Variants in GRXCR1 observed in about 807,000 individuals in gnomAD.
GRXCR1 encodes glutaredoxin domain-containing cysteine-rich protein 1.
A neutral mutation model predicts 27.3 loss-of-function variants in GRXCR1; 27 were observed. That is an observed-to-expected ratio of 0.99 (90% confidence interval 0.73 to 1.37). The LOEUF (loss-of-function observed/expected upper bound fraction) is 1.37. Ranked by LOEUF, GRXCR1 falls within the 40% of genes most tolerant of loss-of-function variation. The probability of loss-of-function intolerance (pLI) is 0.00; values close to 1 mark genes in which losing one functional copy is unlikely to be tolerated. For synonymous variants in GRXCR1, 122 were observed against 131.1 expected (o/e 0.93, Z 0.47); for missense variants, 379 against 354.4 (o/e 1.07, Z -0.56).
At chr4:43,016,121 C>G (rs890453638) in intron 2 of GRXCR1, among the ~76,000 whole-genome samples, 1 of 152,180 alleles carries the variant, frequency 6.6e-6, no homozygotes, top group Non-Finnish European at 1.5e-5. Context: ...ATTTATATCA[C>G]TTTATTGTTT....
At chr4:42,928,940 A>G (rs28580213) in intron 1 of GRXCR1, among the ~76,000 whole-genome samples, 9,452 of 152,054 alleles carry the variant, frequency 0.062, 588 homozygotes, top group African/African-American at 0.16. Flanking sequence ...TAGCCATGGA[A>G]GGGCACTTTC....
intron 2 of GRXCR1, among the ~76,000 whole-genome samples, chr4:42,977,939 C>T (rs1358752625): frequency 6.6e-6 from 1 of 151,886 alleles, no homozygotes; most frequent in East Asian, 1.9e-4. Flanking sequence ...GTTTTGTGTC[C>T]TATGTTTAGG....
chr4:42,915,498 T>C (rs1421436668), intron 1 of GRXCR1, among the ~76,000 whole-genome samples: 1 of 152,162 alleles, frequency 6.6e-6, no homozygotes, highest in African/African-American at 2.4e-5. Context: ...TTTTAGTATC[T>C]CCACCCAGTC....
chr4:43,015,012 A>G (rs942325627), intron 2 of GRXCR1, among the ~76,000 whole-genome samples: 8 of 152,200 alleles, frequency 5.3e-5, no homozygotes, highest in African/African-American at 1.7e-4. Flanking sequence ...AGCAGGTGAC[A>G]TTTAAATTGG....
intron 1 of GRXCR1, among the ~76,000 whole-genome samples, chr4:42,945,317 A>C (rs766639772): frequency 6.6e-6 from 1 of 152,150 alleles, no homozygotes; most frequent in African/African-American, 2.4e-5. Context: ...ATGTAAAAAA[A>C]CCTCATAAAA....
At chr4:43,018,588 TAAG>T (rs1713004399) in intron 2 of GRXCR1, among the ~76,000 whole-genome samples, 2 of 152,172 alleles carry the variant, frequency 1.3e-5, no homozygotes, top group Non-Finnish European at 2.9e-5. Context: ...AATGCTATCA[TAAG>T]AAAAGAGCCA....
At chr4:42,992,131 A>G (rs888593301) in intron 2 of GRXCR1, among the ~76,000 whole-genome samples, 1 of 152,112 alleles carries the variant, frequency 6.6e-6, no homozygotes, top group Non-Finnish European at 1.5e-5. Context: ...TGGGAAATCT[A>G]GTGGTGATGG....
At chr4:42,972,409 C>A (rs538870279) in intron 2 of GRXCR1, among the ~76,000 whole-genome samples, 1 of 152,044 alleles carries the variant, frequency 6.6e-6, no homozygotes, top group African/African-American at 2.4e-5. Context: ...TTTAAAGCCA[C>A]GAAGTGTTTG....
At chr4:42,997,634 A>G (rs1402429215) in intron 2 of GRXCR1, among the ~76,000 whole-genome samples, 1 of 151,932 alleles carries the variant, frequency 6.6e-6, no homozygotes, top group Non-Finnish European at 1.5e-5. Flanking sequence ...CCCCTATGGG[A>G]CTCTCACACT....
At chr4:42,907,441 C>T (rs1472638962) in intron 1 of GRXCR1, among the ~76,000 whole-genome samples, 1 of 152,130 alleles carries the variant, frequency 6.6e-6, no homozygotes, top group African/African-American at 2.4e-5. Context: ...TTCCACTATC[C>T]ATTTTAGACA....
intron 2 of GRXCR1, among the ~76,000 whole-genome samples, chr4:43,019,166 A>C (rs569385377): frequency 8.9e-4 from 136 of 151,988 alleles, no homozygotes; most frequent in Non-Finnish European, 1.5e-3. Flanking sequence ...AGCCTTCTCT[A>C]CTCTCATAAA....
intron 1 of GRXCR1, among the ~76,000 whole-genome samples, chr4:42,932,873 T>C (rs557686503): frequency 5.3e-5 from 8 of 151,688 alleles, no homozygotes; most frequent in African/African-American, 1.9e-4. Flanking sequence ...ACTCCTCCAT[T>C]GACCCTCATC....
chr4:43,024,246 C>T (rs1336132587), intron 3 of GRXCR1, among the ~76,000 whole-genome samples: 6 of 99,680 alleles, frequency 6.0e-5, no homozygotes, highest in East Asian at 3.6e-4. Context: ...TAATCTGATT[C>T]TCCCCTGAGG....
chr4:42,918,602 T>G (rs982400243), intron 1 of GRXCR1, among the ~76,000 whole-genome samples: 1 of 152,168 alleles, frequency 6.6e-6, no homozygotes, highest in Non-Finnish European at 1.5e-5. Context: ...CCAAGAATAT[T>G]TATTCTGATA....
At chr4:42,908,665 A>C (rs1746651005) in intron 1 of GRXCR1, among the ~76,000 whole-genome samples, 1 of 152,248 alleles carries the variant, frequency 6.6e-6, no homozygotes, top group African/African-American at 2.4e-5. Context: ...GATGCGCATC[A>C]AAACATCTAC....
At chr4:42,974,055 C>G (rs1748449446) in intron 2 of GRXCR1, among the ~76,000 whole-genome samples, 1 of 152,110 alleles carries the variant, frequency 6.6e-6, no homozygotes, top group African/African-American at 2.4e-5. Flanking sequence ...TGCACAGAAA[C>G]AGACCAATTG....
At chr4:42,899,128 G>A (rs1419739926) in intron 1 of GRXCR1, among the ~76,000 whole-genome samples, 2 of 152,072 alleles carry the variant, frequency 1.3e-5, no homozygotes, top group Non-Finnish European at 2.9e-5. Context: ...TCTTCCTTGA[G>A]TTAATGAATT....
chr4:43,003,053 C>T (rs774682344), intron 2 of GRXCR1, among the ~76,000 whole-genome samples: 8 of 152,140 alleles, frequency 5.3e-5, no homozygotes, highest in South Asian at 4.1e-4. Context: ...TCTCCTGCCA[C>T]CACATGAAGA....
chr4:42,929,138 TC>T (rs1747240400), intron 1 of GRXCR1, among the ~76,000 whole-genome samples: 1 of 152,016 alleles, frequency 6.6e-6, no homozygotes, highest in Non-Finnish European at 1.5e-5. Context: ...TCTTCAGCAC[TC>T]TCTTATTATA....
Sources: gnomAD v4.1 joint callset for allele counts (sites outside exome capture counted in the v4.1 genomes callset) on GRCh38, gnomAD v4.1.1 for gene constraint, MANE v1.5 for transcripts, NCBI Gene and HGNC (gene_info 2026-07-23, HGNC 2026-07-21) for gene names.